The following GPSM2 variants were observed in gnomAD, a reference collection of about 807,000 sequenced individuals.
GPSM2 encodes the protein G protein signaling modulator 2, also known as G protein-signaling modulator 2.
GPSM2 carries 58 observed loss-of-function variants against 78.4 expected under a neutral mutation model. The ratio of observed to expected loss-of-function variants is 0.74; its 90% confidence interval spans 0.60 to 0.92. The LOEUF (loss-of-function observed/expected upper bound fraction) is 0.92. Ranked by LOEUF, GPSM2 falls within the 40% of genes least tolerant of loss-of-function variation. The probability of loss-of-function intolerance (pLI) is 0.00; values close to 1 mark genes in which losing one functional copy is unlikely to be tolerated. For missense variants in GPSM2, 700 were observed against 815.5 expected (o/e 0.86, Z 1.73); for synonymous variants, 224 against 280.2 (o/e 0.80, Z 2.00).
intron 13 of GPSM2, 39 bp from the exon 14 acceptor site, chr1:108,923,950 TTTTGTTTTTTG>T: frequency 7.3e-7 from 1 of 1,371,116 alleles, no homozygotes; most frequent in Non-Finnish European, 1.0e-6. Context: ...TTTTTTTGTT[TTTTGTTTTTTG>T]TTTTTTTTTA....
intron 1 of GPSM2, among the ~76,000 whole-genome samples, chr1:108,883,729 A>C (rs1042050939): frequency 1.3e-5 from 2 of 152,070 alleles, no homozygotes; most frequent in Non-Finnish European, 2.9e-5. Flanking sequence ...AAATATTCTC[A>C]GTCTTTATCA....
intron 1 of GPSM2, among the ~76,000 whole-genome samples, chr1:108,881,464 A>G (rs538551759): frequency 6.6e-6 from 1 of 152,352 alleles, no homozygotes; most frequent in East Asian, 1.9e-4. Flanking sequence ...TACACTATAT[A>G]CACACACATT....
intron 12 of GPSM2, among the ~76,000 whole-genome samples, chr1:108,919,653 T>C (rs1021288954): frequency 2.6e-5 from 4 of 152,034 alleles, no homozygotes; most frequent in South Asian, 4.2e-4. Flanking sequence ...TGCAGTGAGC[T>C]GAGATCATGC....
At position 108,885,527 on chromosome 1, in the gene GPSM2, A is replaced by T. The variant is rs774454241; in HGVS notation, c.5A>T (p.Glu2Val). Residue 2 changes from glutamate (E) to valine (V), a missense_variant, in exon 2 of 15, where the codon GAG (glutamate) becomes GTG (valine). Transcript: ENST00000264126. M[E>V]ENLISMREDH... Reference sequence around the variant, plus strand: ...TTCAGCTTATAATATGACTCGATGGAGGAAAATTTGATAAGCATGAGAGAA... The same window carrying T: ...TTCAGCTTATAATATGACTCGATGGTGGAAAATTTGATAAGCATGAGAGAA... 4.5e-6 allele frequency: 7 copies of T among 1,555,812 alleles called. No homozygotes were observed. Among genetic ancestry groups the T allele is most frequent in the Non-Finnish European group, 5.3e-6 (6 of 1,127,254 alleles).
chr1:108,903,166 T>C lies in GPSM2; in HGVS notation c.994T>C (p.Tyr332His). The C allele has an allele frequency of 6.2e-7, 1 of 1,611,118 alleles. No homozygotes were observed. Among genetic ancestry groups the C allele is most frequent in the Non-Finnish European group, 8.5e-7 (1 of 1,177,496 alleles). Residue 332 changes from tyrosine to histidine, a missense_variant, in exon 9 of 15, where the codon TAC becomes CAC. Coordinates refer to ENST00000264126, the MANE Select transcript of GPSM2 (RefSeq NM_013296.5). ...AGCATGTTGGAGCTTAGGAAATGCA[T>C]ACACAGCACTAGGAAATCATGATCA... ...GRACWSLGNAYTALGNHDQAM... is the reference protein window; with the variant it reads ...GRACWSLGNAHTALGNHDQAM...
At chr1:108,923,827 A>C (rs1424965710) in intron 13 of GPSM2, among the ~76,000 whole-genome samples, 173 bp from the exon 14 acceptor site, 1 of 152,166 alleles carries the variant, frequency 6.6e-6, no homozygotes, top group East Asian at 1.9e-4. Context: ...GCCAATAAAA[A>C]CCACACCCAT....
intron 11 of GPSM2, among the ~76,000 whole-genome samples, chr1:108,918,410 T>G (rs952400413): frequency 2.0e-5 from 3 of 152,206 alleles, no homozygotes; most frequent in African/African-American, 7.2e-5. Flanking sequence ...GTTTTGATAA[T>G]GAGAATCCAC....
rs1232711399 is a variant in GPSM2 at position 108,934,199 on chromosome 1, TGTCA to T, written c.*4265_*4268del. The T allele has an allele frequency of 6.4e-6, 1 of 156,548 alleles. No individual in the cohort carries two copies. The highest frequency in any genetic ancestry group is 1.9e-4 in the East Asian group (1 of 5,330). The allele number at this position is 156,548 out of a possible 1,614,324, so 9.7% of individuals were successfully genotyped here. A position where few individuals can be genotyped will look rare whatever the true frequency, so the allele number is the denominator to read the frequency against. ...CAGCCTGCGTAGAGATAAGCTGAGG[TGTCA>T]GTCAGACTGATCCTGGTAACGATAC... is the stretch of plus-strand genomic sequence containing the variant. On this transcript the variant is annotated 3_prime_UTR_variant, in exon 15 of 15. Transcript: ENST00000264126.
At chr1:108,878,491 G>T (rs1349916715) in intron 1 of GPSM2, among the ~76,000 whole-genome samples, 1 of 152,094 alleles carries the variant, frequency 6.6e-6, no homozygotes, top group East Asian at 1.9e-4. Context: ...CAGATATTCG[G>T]TGTTACAAAC....
chr1:108,883,700 T>A (rs1227544007), intron 1 of GPSM2, among the ~76,000 whole-genome samples: 1 of 152,216 alleles, frequency 6.6e-6, no homozygotes, highest in African/African-American at 2.4e-5. Context: ...AATGTATCGG[T>A]ATGGATTCAT....
intron 2 of GPSM2, among the ~76,000 whole-genome samples, chr1:108,895,077 A>G (rs937729291): frequency 1.3e-5 from 2 of 152,222 alleles, no homozygotes; most frequent in Non-Finnish European, 1.5e-5. Context: ...CATTTCTTAT[A>G]AAAGCACTGA....
rs1243362917 is a variant in GPSM2, at chr1:108,931,658, C to T, written c.*1718C>T. On this transcript the variant is annotated 3_prime_UTR_variant, in exon 15 of 15. Transcript: ENST00000264126. ...AAAAAAAAAAAGTTCTAAATTACAA[C>T]CTGGATTACATTATGTTTCATGTAT... The T allele has an allele frequency of 6.7e-6, 6 of 899,218 alleles. No individual in the cohort carries two copies. Among genetic ancestry groups the T allele is most frequent in the Non-Finnish European group, 9.5e-6 (6 of 633,994 alleles). 55.7% of individuals were successfully genotyped at this position (899,218 alleles called of 1,614,324 possible). A position where few individuals can be genotyped will look rare whatever the true frequency, so the allele number is the denominator to read the frequency against.
At chr1:108,887,022 G>A (rs1647605851) in intron 2 of GPSM2, among the ~76,000 whole-genome samples, 1 of 152,096 alleles carries the variant, frequency 6.6e-6, no homozygotes, top group African/African-American at 2.4e-5. Flanking sequence ...GAGTAGCTGG[G>A]ATTATAGGCG....
At chr1:108,883,617 A>G (rs1040466425) in intron 1 of GPSM2, among the ~76,000 whole-genome samples, 3 of 152,176 alleles carry the variant, frequency 2.0e-5, no homozygotes, top group Non-Finnish European at 4.4e-5. Context: ...ATGTATATGT[A>G]TATCCTTCTT....
At position 108,934,009 on chromosome 1, in the gene GPSM2, C is replaced by T. The variant is rs1439259687; in HGVS notation, c.*4069C>T. ...GGAAAAGAATAAAGTCATTTTCAGT[C>T]GACTGACTCTGTAAAACAGATTACC... On this transcript the variant is annotated 3_prime_UTR_variant, in exon 15 of 15. Transcript: ENST00000264126. 12 of 152,190 alleles carry T rather than the reference C, an allele frequency of 7.9e-5. No individual in the cohort carries two copies. Among genetic ancestry groups the T allele is most frequent in the Admixed American group, 6.5e-4 (10 of 15,270 alleles). The allele number at this position is 152,190 out of a possible 1,614,324, so 9.4% of individuals were successfully genotyped here.
intron 10 of GPSM2, among the ~76,000 whole-genome samples, chr1:108,904,520 ATTG>A (rs1182236096): frequency 4.0e-5 from 6 of 150,722 alleles, no homozygotes; most frequent in Non-Finnish European, 1.5e-5. Context: ...TGGTGATGGT[ATTG>A]TTCTTTTCTT....
At position 108,929,827 on chromosome 1, in the gene GPSM2, G is replaced by C. The variant is rs1366388959; in HGVS notation, c.1942G>C (p.Val648Leu). 1 of 1,614,088 alleles carries C rather than the reference G, an allele frequency of 6.2e-7. No homozygotes were observed. Among genetic ancestry groups the C allele is most frequent in the Non-Finnish European group, 8.5e-7 (1 of 1,179,966 alleles). The change falls in exon 15 of 15, where the codon GTT (valine) becomes CTT (leucine). Residue 648 changes from valine (V) to leucine (L), a missense_variant. Coordinates refer to ENST00000264126, the MANE Select transcript of GPSM2 (RefSeq NM_013296.5). ...SQGKRMDEQR[V>L]LLQRDQNRDT... ...GGGAAAGAGAATGGATGAACAGAGAGTTCTTTTACAAAGAGATCAAAACAG... is the reference window on the plus strand; with the variant it reads ...GGGAAAGAGAATGGATGAACAGAGACTTCTTTTACAAAGAGATCAAAACAG...
rs1650819921 is a variant in GPSM2 at position 108,922,742 on chromosome 1, TC to T, written c.1600+169del. On this transcript the variant is annotated intron_variant, in intron 13 of 14. Coordinates refer to ENST00000264126, the MANE Select transcript of GPSM2 (RefSeq NM_013296.5). ...ACAGTTCAAACAAGGTTTTTTCAGT[TC>T]CCTTACGTATATCTGTGTTTTTAGT... Among the ~76,000 whole-genome samples the T allele has an allele frequency of 2.0e-5, 3 of 152,202 alleles. No homozygotes were observed. In the South Asian group the frequency reaches 6.2e-4, roughly 31 times the overall value.
Position 108,912,975 on chromosome 1 carries a change from A to C in GPSM2, c.1193-1363A>C, listed in dbSNP as rs545654428. ...CCCATAAATATATGAGAAGATATTT[A>C]ACTTCATCTCATCAGCAAACATCAC... On this transcript the variant is annotated intron_variant, in intron 10 of 14. Transcript: ENST00000264126. Among the ~76,000 whole-genome samples, 5 of 152,328 alleles carry C rather than the reference A, an allele frequency of 3.3e-5. No homozygotes were observed. In the South Asian group the frequency reaches 1.0e-3, roughly 32 times the overall value.
Sources: allele counts gnomAD v4.1 joint callset (sites outside exome capture counted in the v4.1 genomes callset), GRCh38; gene constraint gnomAD v4.1.1; transcripts MANE v1.5; gene names NCBI Gene and HGNC (gene_info 2026-07-23, HGNC 2026-07-21).